CTBP2: variants seen among roughly 807,000 people sequenced by gnomAD.
CTBP2 encodes C-terminal binding protein 2, also known as C-terminal-binding protein 2.
CTBP2 carries 30 observed loss-of-function variants against 80.3 expected under a neutral mutation model. That is an observed-to-expected ratio of 0.37 (90% CI 0.28 to 0.51). CTBP2 has a LOEUF of 0.51. Ranked by LOEUF, CTBP2 falls within the 20% of genes least tolerant of loss-of-function variation. The pLI is 0.93. For synonymous variants in CTBP2, 594 were observed against 587.4 expected (o/e 1.01, Z -0.16); for missense variants, 1,212 against 1,375.3 (o/e 0.88, Z 1.88).
chr10:125,104,990 C>T (rs957739368), intron 2 of CTBP2, among the ~76,000 whole-genome samples: 3 of 151,830 alleles, frequency 2.0e-5, no homozygotes, highest in African/African-American at 4.8e-5. Context: ...TTTCCTAAAT[C>T]GTTACTTTTA....
rs1366236210 is a variant in CTBP2, at chr10:124,987,141, A to C, written c.*2377T>G. On this transcript the variant is annotated 3_prime_UTR_variant, in exon 9 of 9. Transcript: ENST00000309035. ...AAAGGCCAAAAATTTTGGTAAATCA[A>C]TGCTATATTATGCTCTTGAACTATT... 1 of 152,586 alleles carries C rather than the reference A, an allele frequency of 6.6e-6. No homozygotes were observed. Among genetic ancestry groups the C allele is most frequent in the Non-Finnish European group, 1.5e-5 (1 of 68,028 alleles). The allele number at this position is 152,586 out of a possible 1,614,324, so 9.5% of individuals were successfully genotyped here. A position where few individuals can be genotyped will look rare whatever the true frequency, so the allele number is the denominator to read the frequency against.
intron 1 of CTBP2, among the ~76,000 whole-genome samples, chr10:125,152,255 G>A (rs1860111808): frequency 6.6e-6 from 1 of 151,164 alleles, no homozygotes; most frequent in African/African-American, 2.4e-5. Context: ...CCAGAAGCCC[G>A]GACGCCAGGA....
intron 1 of CTBP2, among the ~76,000 whole-genome samples, chr10:125,138,838 C>T (rs1164456970): frequency 6.6e-6 from 1 of 152,166 alleles, no homozygotes; most frequent in Non-Finnish European, 1.5e-5. Flanking sequence ...TCCAAACATA[C>T]CTGTGCCCGT....
intron 1 of CTBP2, among the ~76,000 whole-genome samples, chr10:125,145,225 G>A (rs1858532583): frequency 6.6e-6 from 1 of 152,200 alleles, no homozygotes; most frequent in African/African-American, 2.4e-5. Context: ...GCTGCTGTTG[G>A]CAGTTTCGGG....
At chr10:124,998,339 C>G (rs557969670) in intron 3 of CTBP2, 169 bp from the exon 6 acceptor site, 2 of 682,988 alleles carry the variant, frequency 2.9e-6, no homozygotes, top group African/African-American at 3.6e-5. Context: ...CCCTCTGGCT[C>G]TGATGCATGG....
intron 2 of CTBP2, among the ~76,000 whole-genome samples, chr10:125,095,742 G>T (rs550799721): frequency 2.0e-5 from 3 of 152,328 alleles, no homozygotes; most frequent in South Asian, 2.1e-4. Context: ...AGGGCCTGGG[G>T]ATTCAGGCTG....
In CTBP2 at chr10:124,986,289, G is replaced by GCACACACACACA. The variant is rs1348841236; in HGVS notation, c.*3228_*3229insTGTGTGTGTGTG. On this transcript the variant is annotated 3_prime_UTR_variant, in exon 9 of 9. Transcript: ENST00000309035. ...AAAGACGACACACGCACGCGCGCGC[G>GCACACACACACA]CGCACACACACACACACACACACAC... 2.3e-4 allele frequency: 25 copies of GCACACACACACA among 108,436 alleles called. No individual in the cohort carries two copies. The highest frequency in any genetic ancestry group is 7.2e-4 in the African/African-American group (20 of 27,624). 6.7% of individuals were successfully genotyped at this position (108,436 alleles called of 1,614,324 possible).
chr10:125,108,727 G>A (rs1279503452), intron 2 of CTBP2, among the ~76,000 whole-genome samples: 2 of 141,588 alleles, frequency 1.4e-5, no homozygotes, highest in African/African-American at 2.5e-5. Flanking sequence ...GCTGGGCGGG[G>A]AGCAGGTGGG....
intron 1 of CTBP2, among the ~76,000 whole-genome samples, chr10:125,010,871 T>C (rs1055094878): frequency 1.3e-5 from 2 of 152,166 alleles, no homozygotes; most frequent in Admixed American, 6.5e-5. Flanking sequence ...TCCTTATTTT[T>C]CCTCCAGTGA....
At chr10:125,159,733 G>A (rs1193217595) in intron 1 of CTBP2, 10 of 148,184 alleles carry the variant, frequency 6.7e-5, no homozygotes, top group African/African-American at 2.0e-4. Flanking sequence ...TCGCCTCGTA[G>A]GCGCAAGGCC....
In CTBP2 at chr10:125,027,549, A is replaced by G; in HGVS notation, c.211T>C (p.Tyr71His). 6.2e-7 allele frequency: 1 copy of G among 1,614,150 alleles called. No individual in the cohort carries two copies. The highest frequency in any genetic ancestry group is 8.5e-7 in the Non-Finnish European group (1 of 1,180,016). The change falls in exon 1 of 9, where the codon TAC becomes CAC. Residue 71 changes from tyrosine to histidine, a missense_variant. Coordinates refer to ENST00000309035, the MANE Select transcript of CTBP2 (RefSeq NM_022802.3). The stretch of plus-strand genomic sequence containing the variant: ...ACTGAGTTATAAACGGCCTCCCGGT[A>G]CAGGTAGGGCTCGGCGGCCACGGGC...
intron 1 of CTBP2, among the ~76,000 whole-genome samples, chr10:125,008,362 G>A (rs1416647854): frequency 1.3e-5 from 2 of 152,236 alleles, no homozygotes; most frequent in Non-Finnish European, 2.9e-5. Context: ...GGCTACGGCT[G>A]CCCAAGGACA....
intron 1 of CTBP2, among the ~76,000 whole-genome samples, chr10:125,142,415 T>C (rs1483742211): frequency 1.3e-5 from 2 of 152,264 alleles, no homozygotes; most frequent in African/African-American, 4.8e-5. Context: ...TCGCACTTCC[T>C]AGGCTGGCCC....
At chr10:125,001,906 C>G (rs1463611321) in intron 3 of CTBP2, among the ~76,000 whole-genome samples, 1 of 152,208 alleles carries the variant, frequency 6.6e-6, no homozygotes, top group Non-Finnish European at 1.5e-5. Flanking sequence ...GGTGGCCTCC[C>G]TGAAAACGTG....
At position 125,152,757 on chromosome 10, in the gene CTBP2, G is replaced by C. The variant is rs376146415; in HGVS notation, c.-206+7562C>G. On this transcript the variant is annotated intron_variant, in intron 1 of 10. Coordinates refer to the CTBP2 transcript ENST00000337195. ...GCCCCGAGATAAAGGAATCAGGTCTGTCTCTGCCTGCTCCTGAAACACTAG... is the reference window on the plus strand; with the variant it reads ...GCCCCGAGATAAAGGAATCAGGTCTCTCTCTGCCTGCTCCTGAAACACTAG... Among the ~76,000 whole-genome samples, 153 of 152,268 alleles carry C rather than the reference G, an allele frequency of 1.0e-3. 3 individuals are homozygous for C. In the South Asian group the frequency reaches 0.025, roughly 25 times the overall value.
At chr10:125,137,311 G>A (rs992658653) in intron 1 of CTBP2, among the ~76,000 whole-genome samples, 5 of 152,100 alleles carry the variant, frequency 3.3e-5, no homozygotes, top group African/African-American at 7.2e-5. Context: ...GCAGAGTCTC[G>A]GGAACCCCTC....
intron 1 of CTBP2, among the ~76,000 whole-genome samples, chr10:125,125,578 G>T (rs1855094961): frequency 6.6e-6 from 1 of 152,176 alleles, no homozygotes; most frequent in Admixed American, 6.5e-5. Context: ...ATAGTGCTCA[G>T]ATAATGGCTC....
intron 1 of CTBP2, among the ~76,000 whole-genome samples, chr10:125,139,268 G>A (rs1158437601): frequency 6.0e-5 from 9 of 151,242 alleles, no homozygotes; most frequent in Admixed American, 5.9e-4. Flanking sequence ...CTACATGGGA[G>A]GTTGAGGCAT....
At chr10:125,082,860 A>G (rs1011751347) in intron 2 of CTBP2, among the ~76,000 whole-genome samples, 10 of 152,250 alleles carry the variant, frequency 6.6e-5, no homozygotes, top group African/African-American at 2.4e-4. Flanking sequence ...AAGTGCTGGG[A>G]TTATAGGCGT....
Sources: allele counts gnomAD v4.1 joint callset (sites outside exome capture counted in the v4.1 genomes callset), GRCh38; gene constraint gnomAD v4.1.1; transcripts MANE v1.5; gene names NCBI Gene and HGNC (gene_info 2026-07-23, HGNC 2026-07-21).